Variants in DCLK1 observed in about 807,000 individuals in gnomAD.
The protein encoded by DCLK1 is serine/threonine-protein kinase DCLK1.
Under a neutral mutation model 86.2 loss-of-function variants are expected in DCLK1, and 16 were observed. The observed-to-expected ratio is 0.19, with a 90% confidence interval of 0.13 to 0.28. The LOEUF (loss-of-function observed/expected upper bound fraction) is 0.28, where lower values mean the gene tolerates loss of function less well. DCLK1 is among the 10% of genes least tolerant of loss of function. The pLI is 1.00. For synonymous variants in DCLK1, 369 were observed against 370.5 expected, an observed-to-expected ratio of 1.00 and a Z score of 0.05; for missense variants, 590 against 940.2, an observed-to-expected ratio of 0.63 and a Z score of 4.87.
chr13:35,957,477 GACA>G (rs1196089701), intron 3 of DCLK1, among the ~76,000 whole-genome samples: 2 of 152,150 alleles, frequency 1.3e-5, no homozygotes, highest in African/African-American at 2.4e-5. Flanking sequence ...AGAGAGACTT[GACA>G]CATGATGTTA....
intron 3 of DCLK1, among the ~76,000 whole-genome samples, chr13:36,023,982 G>A (rs573822258): frequency 2.1e-5 from 3 of 141,024 alleles, no homozygotes; most frequent in Non-Finnish European, 4.5e-5. Context: ...TGCAACCTCC[G>A]CCTTCTGGTT....
intron 4 of DCLK1, among the ~76,000 whole-genome samples, chr13:35,927,062 C>T (rs1876164272): frequency 6.6e-6 from 1 of 152,186 alleles, no homozygotes; most frequent in Non-Finnish European, 1.5e-5. Flanking sequence ...TCACGTAATC[C>T]CTCTGGGCTT....
intron 11 of DCLK1, among the ~76,000 whole-genome samples, chr13:35,817,397 A>G (rs779796476): frequency 7.2e-5 from 11 of 152,154 alleles, no homozygotes; most frequent in Non-Finnish European, 1.3e-4. Context: ...ACACCCCCAA[A>G]AAAAGGATCG....
At chr13:35,831,828 T>G (rs1868987823) in intron 8 of DCLK1, among the ~76,000 whole-genome samples, 1 of 152,194 alleles carries the variant, frequency 6.6e-6, no homozygotes, top group South Asian at 2.1e-4. Flanking sequence ...GAACCCAAAC[T>G]ACTAGAGGGA....
chr13:35,979,564 T>C (rs1034946323), intron 3 of DCLK1, among the ~76,000 whole-genome samples: 1 of 152,202 alleles, frequency 6.6e-6, no homozygotes, highest in African/African-American at 2.4e-5. Flanking sequence ...TACTGACTCA[T>C]AGCATTTTTG....
At chr13:35,794,239 C>T (rs2086761472) in intron 15 of DCLK1, among the ~76,000 whole-genome samples, 1 of 152,182 alleles carries the variant, frequency 6.6e-6, no homozygotes, top group Admixed American at 6.5e-5. Context: ...CAGGATCCTT[C>T]AAGGCAGAGA....
At chr13:35,792,496 G>T (rs970958340) in intron 16 of DCLK1, among the ~76,000 whole-genome samples, 1 of 152,076 alleles carries the variant, frequency 6.6e-6, no homozygotes, top group Non-Finnish European at 1.5e-5. Flanking sequence ...AAATACTTTT[G>T]AAAAAGTCCA....
At chr13:35,846,285 TA>T in intron 6 of DCLK1, 1 of 985,232 alleles carries the variant, frequency 1.0e-6, no homozygotes, top group Non-Finnish European at 1.2e-6. Context: ...AAAGAGTTCT[TA>T]GAAAAAATAA....
chr13:35,777,564 A>AG (rs1261512864), intron 16 of DCLK1, among the ~76,000 whole-genome samples: 1 of 152,246 alleles, frequency 6.6e-6, no homozygotes, highest in Non-Finnish European at 1.5e-5. Flanking sequence ...AAAGACCAAA[A>AG]GACAGTGGCT....
At chr13:36,065,455 A>G (rs1483858475) in intron 3 of DCLK1, among the ~76,000 whole-genome samples, 1 of 152,220 alleles carries the variant, frequency 6.6e-6, no homozygotes, top group Non-Finnish European at 1.5e-5. Context: ...TGGAGATCCA[A>G]GGCCTCTTAG....
At chr13:36,111,815 C>A in intron 3 of DCLK1, 54 bp downstream of exon 3, 1 of 1,525,928 alleles carries the variant, frequency 6.6e-7, no homozygotes, top group East Asian at 2.3e-5. Flanking sequence ...GTACACCCTC[C>A]GACTCCCTGG....
chr13:35,993,874 T>C (rs754570912), intron 3 of DCLK1, among the ~76,000 whole-genome samples: 12 of 151,846 alleles, frequency 7.9e-5, no homozygotes, highest in Non-Finnish European at 1.5e-4. Flanking sequence ...GTATCAGCCT[T>C]GAGGCTCCCA....
intron 4 of DCLK1, among the ~76,000 whole-genome samples, chr13:35,917,470 A>C (rs896709735): frequency 6.6e-6 from 1 of 152,084 alleles, no homozygotes; most frequent in African/African-American, 2.4e-5. Context: ...GGCTCTCCAA[A>C]GGTGGGAGCT....
intron 4 of DCLK1, among the ~76,000 whole-genome samples, chr13:35,887,415 T>G (rs1873340240): frequency 6.6e-6 from 1 of 152,184 alleles, no homozygotes; most frequent in Non-Finnish European, 1.5e-5. Flanking sequence ...TGCCATCATA[T>G]AAGTGACCTG....
At chr13:35,800,664 T>C (rs1012653495) in intron 15 of DCLK1, among the ~76,000 whole-genome samples, 1 of 152,180 alleles carries the variant, frequency 6.6e-6, no homozygotes, top group African/African-American at 2.4e-5. Context: ...TCTGCTGCCC[T>C]ATGCTTTACT....
rs542604662 is a variant in DCLK1, at chr13:35,774,277, A to G, written c.*258T>C. On this transcript the variant is annotated 3_prime_UTR_variant, in exon 17 of 17. Coordinates refer to ENST00000360631, the MANE Select transcript of DCLK1 (RefSeq NM_001330071.2). ...ACTGATGAAAACATTCATTGCTTCTAAGTTTAAAAAAAAATTGCAAATTGG... is the reference window on the plus strand; with the variant it reads ...ACTGATGAAAACATTCATTGCTTCTGAGTTTAAAAAAAAATTGCAAATTGG... 2 of 416,938 alleles carry G rather than the reference A, an allele frequency of 4.8e-6. No individual in the cohort carries two copies. Among genetic ancestry groups the G allele is most frequent in the East Asian group, 4.1e-5 (1 of 24,154 alleles). 25.8% of individuals were successfully genotyped at this position (416,938 alleles called of 1,614,324 possible).
At chr13:36,032,829 G>A (rs1882339780) in intron 3 of DCLK1, among the ~76,000 whole-genome samples, 1 of 152,116 alleles carries the variant, frequency 6.6e-6, no homozygotes. Flanking sequence ...TCCTTTTATC[G>A]CAAATGCAGA....
At chr13:35,983,003 A>T (rs1414041568) in intron 3 of DCLK1, among the ~76,000 whole-genome samples, 1 of 151,976 alleles carries the variant, frequency 6.6e-6, no homozygotes, top group Non-Finnish European at 1.5e-5. Flanking sequence ...AGCTCAAGTG[A>T]TCCTCCCGCC....
chr13:36,013,747 G>C (rs1881397820), intron 3 of DCLK1, among the ~76,000 whole-genome samples: 1 of 152,192 alleles, frequency 6.6e-6, no homozygotes, highest in Non-Finnish European at 1.5e-5. Context: ...GAGCTGTGGT[G>C]GGCTCCACCC....
Sources: allele counts gnomAD v4.1 joint callset (sites outside exome capture counted in the v4.1 genomes callset), GRCh38; gene constraint gnomAD v4.1.1; transcripts MANE v1.5; gene names NCBI Gene and HGNC (gene_info 2026-07-23, HGNC 2026-07-21).